HSF2: variants seen among roughly 807,000 people sequenced by gnomAD.
HSF2 encodes heat shock factor protein 2.
Under a neutral mutation model 65.0 loss-of-function variants are expected in HSF2, and 21 were observed. That is an observed-to-expected ratio of 0.32 (90% CI 0.23 to 0.47). The LOEUF (loss-of-function observed/expected upper bound fraction) is 0.47. Among genes scored for constraint, HSF2 ranks in the 20% least tolerant of loss-of-function variants. The pLI, the probability that HSF2 is intolerant of heterozygous loss-of-function variation, is 1.00. For synonymous variants in HSF2, 225 were observed against 219.1 expected, an observed-to-expected ratio of 1.03 and a Z score of -0.24; for missense variants, 499 against 628.1, an observed-to-expected ratio of 0.79 and a Z score of 2.20.
intron 10 of HSF2, 23 bp downstream of exon 10, chr6:122,423,709 G>C: frequency 1.5e-6 from 2 of 1,307,542 alleles, no homozygotes; most frequent in Non-Finnish European, 2.2e-6. Context: ...GGTAATCTTT[G>C]CTATACTGGT....
chr6:122,419,320 G>A, intron 6 of HSF2, 91 bp downstream of exon 6: 1 of 595,564 alleles, frequency 1.7e-6, no homozygotes. Flanking sequence ...TGCTGAGTAT[G>A]TGCTTGTTGT....
Position 122,427,940 on chromosome 6 carries a change from A to G in HSF2, c.1214A>G (p.Tyr405Cys), listed in dbSNP as rs745672638. ...TCTGTGCAGATGAATCCCACAGATT[A>G]CATCAATAATACAAAAGTAAGTTTT... Reference protein sequence around the residue: ...TSSVQMNPTDYINNTKSENKG... With the variant: ...TSSVQMNPTDCINNTKSENKG... The change falls in exon 11 of 13, where the codon TAC becomes TGC. Residue 405 changes from tyrosine (Y) to cysteine (C), a missense_variant. This residue lies in a region of HSF2 where 349 missense variants were observed against 393.5 expected (regional missense o/e 0.89). Coordinates refer to ENST00000368455, the MANE Select transcript of HSF2 (RefSeq NM_004506.4). The G allele has an allele frequency of 6.2e-7, 1 of 1,600,816 alleles. No individual in the cohort carries two copies. The highest frequency in any genetic ancestry group is 1.7e-5 in the Admixed American group (1 of 59,326).
intron 11 of HSF2, 38 bp from the exon 12 acceptor site, chr6:122,431,392 A>G: frequency 1.0e-6 from 1 of 988,612 alleles, no homozygotes; most frequent in Non-Finnish European, 1.4e-6. Context: ...AACATAAAAT[A>G]TGAAACAAGT....
In HSF2 at chr6:122,419,998, GTTTA is replaced by G. The variant is rs1241972067; in HGVS notation, c.594-130_594-127del. On this transcript the variant is annotated intron_variant, in intron 6 of 12. Transcript: ENST00000368455. ...GTTCCTAAGATGTAATCATTTTTAA[GTTTA>G]TTTATTGTTACTGAAATTTTTTATT... 8.5e-6 allele frequency: 6 copies of G among 705,552 alleles called. No individual in the cohort carries two copies. The African/African-American group carries it at 9.3e-5, about 11-fold the overall frequency. 43.7% of individuals were successfully genotyped at this position (705,552 alleles called of 1,614,324 possible).
intron 1 of HSF2, among the ~76,000 whole-genome samples, chr6:122,407,754 C>T (rs949652577): frequency 7.9e-5 from 12 of 152,118 alleles, no homozygotes; most frequent in Non-Finnish European, 1.3e-4. Context: ...TTCTATCTTA[C>T]GTCACAAGTA....
chr6:122,422,981 C>G lies in HSF2; in HGVS notation c.1070+24C>G, dbSNP rs369001271. On this transcript the variant is annotated intron_variant, in intron 9 of 12. Coordinates refer to ENST00000368455, the MANE Select transcript of HSF2 (RefSeq NM_004506.4). ...AAGTGAGTGCTTATCTAGATGTTGT[C>G]TAAAATTATTTGCTTTCTTTGTTCA... is the stretch of plus-strand genomic sequence containing the variant. 3.1e-6 allele frequency: 5 copies of G among 1,610,518 alleles called. No homozygotes were observed. In the African/African-American group the frequency reaches 4.0e-5, roughly 13 times the overall value.
intron 1 of HSF2, among the ~76,000 whole-genome samples, chr6:122,403,891 C>T (rs1007369343): frequency 1.3e-5 from 2 of 152,110 alleles, no homozygotes; most frequent in African/African-American, 4.8e-5. Context: ...TATTCAGAGA[C>T]AAGGCCGTAG....
chr6:122,417,131 C>T (rs1582614133), intron 5 of HSF2, among the ~76,000 whole-genome samples: 1 of 150,338 alleles, frequency 6.7e-6, no homozygotes, highest in South Asian at 2.1e-4. Flanking sequence ...GTAGCCTAGT[C>T]AACATAGATT....
In HSF2 at chr6:122,402,604, G is replaced by C. The variant is rs1180391149; in HGVS notation, c.93+2774G>C. 2.0e-5 allele frequency among the ~76,000 whole-genome samples: 3 copies of C among 151,780 alleles called. No individual in the cohort carries two copies. In the East Asian group the frequency reaches 5.8e-4, roughly 29 times the overall value. On this transcript the variant is annotated intron_variant, in intron 1 of 12. Transcript: ENST00000368455. ...TAGAGTATCACTCTGTCACCCTGGA[G>C]TACGGTGGCACGATCTCGGCTCACT...
At chr6:122,411,614 A>G in intron 1 of HSF2, among the ~76,000 whole-genome samples, 1 of 151,928 alleles carries the variant, frequency 6.6e-6, no homozygotes, top group African/African-American at 2.4e-5. Flanking sequence ...ATATGTTATC[A>G]GATAAGGGTC....
At chr6:122,418,639 CAG>C (rs983291427) in intron 5 of HSF2, among the ~76,000 whole-genome samples, 6 of 151,832 alleles carry the variant, frequency 4.0e-5, no homozygotes, top group African/African-American at 1.5e-4. Context: ...TGGTTGCAAG[CAG>C]AGTTTGTTTG....
At chr6:122,412,239 A>G in intron 1 of HSF2, 134 bp from the exon 2 acceptor site, 2 of 581,638 alleles carry the variant, frequency 3.4e-6, no homozygotes, top group Non-Finnish European at 6.2e-6. Context: ...CCTGTTGTCA[A>G]GAATAGAATG....
intron 1 of HSF2, among the ~76,000 whole-genome samples, chr6:122,403,547 C>T (rs550368574): frequency 2.6e-5 from 4 of 152,258 alleles, no homozygotes; most frequent in South Asian, 4.1e-4. Context: ...GCAGAGGTTG[C>T]AATGAGCTGA....
intron 1 of HSF2, among the ~76,000 whole-genome samples, chr6:122,407,013 A>G (rs989355188): frequency 6.6e-6 from 1 of 152,186 alleles, no homozygotes; most frequent in African/African-American, 2.4e-5. Context: ...GTAACTGGTA[A>G]AGCCAGGAGA....
At chr6:122,406,313 A>G (rs1318437445) in intron 1 of HSF2, among the ~76,000 whole-genome samples, 1 of 152,156 alleles carries the variant, frequency 6.6e-6, no homozygotes, top group Non-Finnish European at 1.5e-5. Flanking sequence ...AATGATTAGA[A>G]AAGATGGGCC....
At chr6:122,408,637 C>T (rs1773919682) in intron 1 of HSF2, among the ~76,000 whole-genome samples, 1 of 152,036 alleles carries the variant, frequency 6.6e-6, no homozygotes, top group Admixed American at 6.6e-5. Flanking sequence ...AATCATTTTA[C>T]TGATTTCAGT....
At chr6:122,419,351 T>C in intron 6 of HSF2, 122 bp downstream of exon 6, 1 of 526,246 alleles carries the variant, frequency 1.9e-6, no homozygotes, top group Non-Finnish European at 3.4e-6. Context: ...CAATTCTCCT[T>C]TGTTAAATTA....
rs138506633 is a variant in HSF2 at position 122,402,314 on chromosome 6, T to A, written c.93+2484T>A. Among the ~76,000 whole-genome samples, 47 of 152,328 alleles carry A rather than the reference T, an allele frequency of 3.1e-4. No homozygotes were observed. In the East Asian group the frequency reaches 8.9e-3, roughly 29 times the overall value. On this transcript the variant is annotated intron_variant, in intron 1 of 12. Coordinates refer to ENST00000368455, the MANE Select transcript of HSF2 (RefSeq NM_004506.4). ...GTTGTCTAGGGCTAAGCCTAGTTGC[T>A]TAGGCAGCTGTCTCATTTGTGCTCT...
intron 12 of HSF2, 63 bp downstream of exon 12, chr6:122,431,577 A>C (rs1003646796): frequency 2.6e-5 from 23 of 888,004 alleles, no homozygotes; most frequent in Non-Finnish European, 4.0e-5. Context: ...AAACAAGTGC[A>C]AGCCGAGGGT....
Sources: allele counts gnomAD v4.1 joint callset (sites outside exome capture counted in the v4.1 genomes callset), GRCh38; gene constraint gnomAD v4.1.1; regional missense constraint gnomAD v4.1.1; transcripts MANE v1.5; gene names NCBI Gene and HGNC (gene_info 2026-07-23, HGNC 2026-07-21).